Variants in ST18 observed in about 807,000 individuals in gnomAD.
ST18 encodes the protein suppression of tumorigenicity 18 protein.
Under a neutral mutation model 110.0 loss-of-function variants are expected in ST18, and 50 were observed. The ratio of observed to expected loss-of-function variants is 0.45; its 90% CI spans 0.36 to 0.58. The LOEUF (loss-of-function observed/expected upper bound fraction) is 0.58. Ranked by LOEUF, ST18 falls within the 20% of genes least tolerant of loss-of-function variation. ST18 has a pLI of 0.00. For missense variants in ST18, 1,306 were observed against 1,280.1 expected, an observed-to-expected ratio of 1.02 and a Z score of -0.31; for synonymous variants, 461 against 452.4, an observed-to-expected ratio of 1.02 and a Z score of -0.24.
intron 2 of ST18, chr8:52,406,687 T>A (rs1844635346): frequency 6.6e-6 from 1 of 152,206 alleles, no homozygotes; most frequent in South Asian, 2.1e-4. Flanking sequence ...CTTCACCAAA[T>A]CATTCACATT....
At chr8:52,311,540 C>G (rs1474401908) in intron 2 of ST18, among the ~76,000 whole-genome samples, 1 of 152,172 alleles carries the variant, frequency 6.6e-6, no homozygotes, top group Non-Finnish European at 1.5e-5. Context: ...TATAACGATA[C>G]TACCAGAGAC....
At chr8:52,284,455 C>T (rs901381306) in intron 2 of ST18, among the ~76,000 whole-genome samples, 18 of 152,234 alleles carry the variant, frequency 1.2e-4, no homozygotes, top group Admixed American at 4.6e-4. Context: ...GGGGGATGAC[C>T]GATGTGTCTC....
chr8:52,262,466 G>A (rs2094725253), intron 2 of ST18, among the ~76,000 whole-genome samples: 1 of 152,120 alleles, frequency 6.6e-6, no homozygotes, highest in Admixed American at 6.5e-5. Context: ...GACTTCACAG[G>A]ACGACCTCCA....
intron 2 of ST18, among the ~76,000 whole-genome samples, chr8:52,376,526 C>T (rs1037154249): frequency 6.6e-6 from 1 of 152,140 alleles, no homozygotes; most frequent in African/African-American, 2.4e-5. Context: ...CTTGGATTCC[C>T]CTATCTGCCC....
intron 2 of ST18, among the ~76,000 whole-genome samples, chr8:52,273,553 T>C (rs2095144387): frequency 6.6e-6 from 1 of 152,212 alleles, no homozygotes; most frequent in African/African-American, 2.4e-5. Flanking sequence ...TAACATCATA[T>C]GCACTCAGTT....
chr8:52,165,189 G>A lies in ST18; in HGVS notation c.1241C>T (p.Thr414Met), dbSNP rs34326988. Residue 414 changes from threonine to methionine, a missense_variant, in exon 12 of 26, where the codon ACG becomes ATG. Physicochemically the swap from Thr to Met is moderately conservative, Grantham distance 81. Transcript: ENST00000689386. ...AMHENVLKCP[T>M]PGCTGRGHVN... ...ATGACCCCTTCCTGTGCATCCCGGC[G>A]TGGGACACTTGAGCACATTTTCATG... is the stretch of plus-strand genomic sequence containing the variant. 1,516 of 1,614,162 alleles carry A rather than the reference G, an allele frequency of 9.4e-4. 3 individuals carry two copies. Among genetic ancestry groups the A allele is most frequent in the Non-Finnish European group, 1.2e-3 (1,464 of 1,180,028 alleles).
chr8:52,284,514 G>A (rs528626402), intron 2 of ST18, among the ~76,000 whole-genome samples: 1 of 152,276 alleles, frequency 6.6e-6, no homozygotes, highest in African/African-American at 2.4e-5. Flanking sequence ...GTGCAGGGAA[G>A]AACCAGGATG....
chr8:52,336,926 C>G (rs1590028593), intron 2 of ST18, among the ~76,000 whole-genome samples: 1 of 152,152 alleles, frequency 6.6e-6, no homozygotes, highest in East Asian at 1.9e-4. Flanking sequence ...TGTCACAATC[C>G]TTAGTCATTC....
intron 8 of ST18, 135 bp from the exon 9 acceptor site, chr8:52,180,447 C>A: frequency 1.2e-6 from 1 of 825,002 alleles, no homozygotes; most frequent in Non-Finnish European, 1.9e-6. Flanking sequence ...CTGGCACTAA[C>A]AAAAACATCC....
At chr8:52,255,191 C>T (rs546251856) in intron 2 of ST18, among the ~76,000 whole-genome samples, 1 of 152,196 alleles carries the variant, frequency 6.6e-6, no homozygotes, top group South Asian at 2.1e-4. Context: ...TCTGTGCGGC[C>T]CGGAGTGCTC....
At chr8:52,159,140 A>G in intron 14 of ST18, 31 bp from the exon 15 acceptor site, 2 of 1,598,094 alleles carry the variant, frequency 1.3e-6, no homozygotes, top group African/African-American at 1.3e-5. Context: ...TAGCAATTGC[A>G]TGTACATGGT....
At chr8:52,192,502 G>A (rs1482939066) in intron 8 of ST18, among the ~76,000 whole-genome samples, 2 of 152,160 alleles carry the variant, frequency 1.3e-5, no homozygotes, top group Admixed American at 1.3e-4. Flanking sequence ...ACACCACAGA[G>A]CCCAGAAATT....
At chr8:52,337,054 C>T (rs1255393945) in intron 2 of ST18, among the ~76,000 whole-genome samples, 1 of 152,224 alleles carries the variant, frequency 6.6e-6, no homozygotes, top group Non-Finnish European at 1.5e-5. Context: ...TTCAGAATAA[C>T]ATCGCCTTTT....
chr8:52,360,795 A>C (rs1187817936), intron 2 of ST18, among the ~76,000 whole-genome samples: 1 of 152,214 alleles, frequency 6.6e-6, no homozygotes, highest in Admixed American at 6.5e-5. Flanking sequence ...TTTAATGCCC[A>C]GTAAGTTTTT....
At position 52,132,151 on chromosome 8, in the gene ST18, C is replaced by A. The variant is rs767248874; in HGVS notation, c.2473G>T (p.Gly825Cys). The A allele has an allele frequency of 6.2e-7, 1 of 1,613,386 alleles. No individual in the cohort carries two copies. The highest frequency in any genetic ancestry group is 1.3e-5 in the African/African-American group (1 of 74,908). Residue 825 changes from glycine (G) to cysteine (C), a missense_variant, in exon 22 of 26, where the codon GGT becomes TGT. Transcript: ENST00000689386. ...KCPVIGCDGQ[G>C]HISGKYTSHR... is the part of the protein sequence containing the mutation. ...GATGTGTATTTACCTGATATGTGAC[C>A]TTGGCCATCACACCCTATCACAGGA...
chr8:52,146,684 C>A (rs978659843), intron 16 of ST18, among the ~76,000 whole-genome samples: 1 of 152,046 alleles, frequency 6.6e-6, no homozygotes, highest in Non-Finnish European at 1.5e-5. Context: ...TGTCAATGAG[C>A]GCATTTAATA....
At chr8:52,323,639 G>A (rs1804984012) in intron 2 of ST18, among the ~76,000 whole-genome samples, 1 of 152,130 alleles carries the variant, frequency 6.6e-6, no homozygotes, top group Non-Finnish European at 1.5e-5. Flanking sequence ...GAGTATTTCC[G>A]ACTTGGTCTT....
intron 2 of ST18, among the ~76,000 whole-genome samples, chr8:52,262,353 G>T (rs2094721326): frequency 6.6e-6 from 1 of 152,214 alleles, no homozygotes; most frequent in African/African-American, 2.4e-5. Flanking sequence ...GAAGTTAGGT[G>T]TGGGTCTGTG....
At chr8:52,365,319 A>G (rs1283026263) in intron 2 of ST18, among the ~76,000 whole-genome samples, 1 of 152,196 alleles carries the variant, frequency 6.6e-6, no homozygotes, top group East Asian at 1.9e-4. Context: ...TGACTGACTC[A>G]GGCTATAGCA....
Sources: gnomAD v4.1 joint callset for allele counts (sites outside exome capture counted in the v4.1 genomes callset) on GRCh38, gnomAD v4.1.1 for gene constraint, MANE v1.5 for transcripts, NCBI Gene and HGNC (gene_info 2026-07-23, HGNC 2026-07-21) for gene names.